Variants in DSCAML1 observed in about 807,000 individuals in gnomAD.
DSCAML1 encodes DS cell adhesion molecule like 1.
A neutral mutation model predicts 200.5 loss-of-function variants in DSCAML1; 38 were observed. The ratio of observed to expected loss-of-function variants is 0.19; its 90% CI spans 0.15 to 0.25. The LOEUF (loss-of-function observed/expected upper bound fraction) is 0.25. Among genes scored for constraint, DSCAML1 ranks in the 10% least tolerant of loss-of-function variants. The pLI, the probability that DSCAML1 is intolerant of heterozygous loss-of-function variation, is 1.00. For synonymous variants in DSCAML1, 1,215 were observed against 1,165.0 expected, an observed-to-expected ratio of 1.04 and a Z score of -0.87; for missense variants, 2,223 against 2,858.8, an observed-to-expected ratio of 0.78 and a Z score of 5.07.
intron 3 of DSCAML1, among the ~76,000 whole-genome samples, chr11:117,691,967 TA>T (rs1462897206): frequency 3.9e-5 from 6 of 152,224 alleles, no homozygotes; most frequent in African/African-American, 1.2e-4. Flanking sequence ...ACTTTTTTTT[TA>T]AGCTGTGAGC....
rs1802209858 is a variant in DSCAML1, at chr11:117,569,935, T to G, written c.512-37413A>C. Among the ~76,000 whole-genome samples, 4 of 152,338 alleles carry G rather than the reference T, an allele frequency of 2.6e-5. No individual in the cohort carries two copies. In the South Asian group the frequency reaches 8.3e-4, roughly 32 times the overall value. On this transcript the variant is annotated intron_variant, in intron 3 of 32. Transcript: ENST00000651296. ...CAGAGCTGTTCCTGACTCTCTGGCA[T>G]GGGATGTGAATGAGAAATAAACTTG...
intron 11 of DSCAML1, among the ~76,000 whole-genome samples, chr11:117,490,072 C>T (rs957618504): frequency 8.5e-5 from 13 of 152,116 alleles, no homozygotes; most frequent in East Asian, 1.9e-4. Flanking sequence ...TCCTTCTGCT[C>T]GTTGAGATGG....
chr11:117,598,016 A>AAT (rs35760031), intron 3 of DSCAML1, among the ~76,000 whole-genome samples: 34,528 of 151,958 alleles, frequency 0.23, 3,997 homozygotes, highest in South Asian at 0.34. Context: ...GTCCTGATAC[A>AAT]ATATATATAT....
intron 20 of DSCAML1, among the ~76,000 whole-genome samples, chr11:117,445,184 C>T (rs2048151803): frequency 1.3e-5 from 2 of 152,202 alleles, no homozygotes; most frequent in Non-Finnish European, 2.9e-5. Context: ...TAACTTATAA[C>T]AGGAGGAGAC....
At chr11:117,782,371 G>A (rs556470856) in intron 1 of DSCAML1, among the ~76,000 whole-genome samples, 37 of 152,338 alleles carry the variant, frequency 2.4e-4, no homozygotes, top group African/African-American at 8.9e-4. Flanking sequence ...GGTGTCAGGA[G>A]CATCCTCTTA....
At chr11:117,773,791 G>T (rs1225880546) in intron 3 of DSCAML1, among the ~76,000 whole-genome samples, 1 of 152,086 alleles carries the variant, frequency 6.6e-6, no homozygotes, top group Non-Finnish European at 1.5e-5. Context: ...GGAGAAGACT[G>T]GCCCCGGATC....
rs962204385 is a variant in DSCAML1 at position 117,437,043 on chromosome 11, T to G, written c.4720+79A>C. On this transcript the variant is annotated intron_variant, in intron 26 of 32. Transcript: ENST00000651296. The surrounding 1 kb of genome is among the most constrained non-coding windows in gnomAD (Gnocchi z 5.3). Reference sequence around the variant, plus strand: ...GTTTTTCTATTAGTCTGTCTCTTTATGTATCTGCCACTCTGCCCACTTCCT... The same window carrying G: ...GTTTTTCTATTAGTCTGTCTCTTTAGGTATCTGCCACTCTGCCCACTTCCT... 6.6e-7 allele frequency: 1 copy of G among 1,518,900 alleles called. No homozygotes were observed. The highest frequency in any genetic ancestry group is 1.8e-4 in the Middle Eastern group (1 of 5,546). The allele number at this position is 1,518,900 out of a possible 1,614,324, so 94.1% of individuals were successfully genotyped here.
intron 8 of DSCAML1, among the ~76,000 whole-genome samples, chr11:117,510,595 T>G (rs1264032342): frequency 6.6e-6 from 1 of 152,144 alleles, no homozygotes; most frequent in Non-Finnish European, 1.5e-5. Context: ...CTCTCTCCTG[T>G]TTGACAGGAG....
intron 3 of DSCAML1, among the ~76,000 whole-genome samples, chr11:117,755,747 C>T (rs138626355): frequency 1.8e-4 from 28 of 152,298 alleles, no homozygotes; most frequent in African/African-American, 6.5e-4. Flanking sequence ...TCCCCACCCA[C>T]AGGAGATCTC....
rs80324639 is a variant in DSCAML1 at position 117,519,073 on chromosome 11, C to A, written c.1214-311G>T. Among the ~76,000 whole-genome samples the A allele has an allele frequency of 3.1e-3, 478 of 152,286 alleles. 3 individuals carry two copies. The highest frequency in any genetic ancestry group is 0.011 in the African/African-American group (458 of 41,552). On this transcript the variant is annotated intron_variant, in intron 6 of 32. Coordinates refer to ENST00000651296, the MANE Select transcript of DSCAML1 (RefSeq NM_020693.4). ...GGGGATAATAGCAATCATGATTATA[C>A]CCACCTCATGGATAGTCTGAGGATA...
At chr11:117,765,686 A>T (rs1250845925) in intron 3 of DSCAML1, among the ~76,000 whole-genome samples, 1 of 152,240 alleles carries the variant, frequency 6.6e-6, no homozygotes, top group African/African-American at 2.4e-5. Context: ...AGAAAAATAC[A>T]TTATATACAT....
At chr11:117,720,715 T>C (rs1190868641) in intron 3 of DSCAML1, among the ~76,000 whole-genome samples, 1 of 152,240 alleles carries the variant, frequency 6.6e-6, no homozygotes, top group African/African-American at 2.4e-5. Context: ...TCCAGTTTCC[T>C]CATCTGTAAA....
chr11:117,545,120 C>G lies in DSCAML1; in HGVS notation c.512-12598G>C, dbSNP rs1205703355. Among the ~76,000 whole-genome samples, 4 of 152,202 alleles carry G rather than the reference C, an allele frequency of 2.6e-5. No individual in the cohort carries two copies. The South Asian group carries it at 8.3e-4, about 32-fold the overall frequency. The stretch of plus-strand genomic sequence containing the variant: ...TGGCGGGCGCCTGTAATCCCAGATA[C>G]TCGGGAGGCCGAGGCAGGAGAATTG... On this transcript the variant is annotated intron_variant, in intron 3 of 32. Transcript: ENST00000651296.
intron 11 of DSCAML1, among the ~76,000 whole-genome samples, chr11:117,496,300 G>C (rs974381037): frequency 7.9e-5 from 12 of 152,290 alleles, no homozygotes; most frequent in Middle Eastern, 3.4e-3. Context: ...CACCAGGCTG[G>C]ACACCCGGGG....
intron 3 of DSCAML1, among the ~76,000 whole-genome samples, chr11:117,773,320 C>T (rs2055071806): frequency 6.6e-6 from 1 of 152,128 alleles, no homozygotes; most frequent in Admixed American, 6.5e-5. Flanking sequence ...TGTTCCAGCT[C>T]CTGCTGGACT....
At chr11:117,742,123 T>C (rs552800172) in intron 3 of DSCAML1, among the ~76,000 whole-genome samples, 42 of 152,294 alleles carry the variant, frequency 2.8e-4, no homozygotes, top group African/African-American at 9.4e-4. Context: ...GGGACTCACC[T>C]ATAGAAACTG....
At chr11:117,599,753 T>C (rs1226138828) in intron 3 of DSCAML1, among the ~76,000 whole-genome samples, 1 of 152,160 alleles carries the variant, frequency 6.6e-6, no homozygotes, top group Non-Finnish European at 1.5e-5. Flanking sequence ...TCCAGCTGGG[T>C]CAGAAAATGG....
At chr11:117,773,613 T>G (rs2055079059) in intron 3 of DSCAML1, among the ~76,000 whole-genome samples, 1 of 149,708 alleles carries the variant, frequency 6.7e-6, no homozygotes, top group Non-Finnish European at 1.5e-5. Flanking sequence ...TGGAAAAAAA[T>G]CCTATTTTTA....
chr11:117,455,961 G>A (rs1366226827), intron 19 of DSCAML1, among the ~76,000 whole-genome samples: 2 of 152,176 alleles, frequency 1.3e-5, no homozygotes, highest in African/African-American at 2.4e-5. Flanking sequence ...AGAGACAGCT[G>A]TCTCTACTGC....
Sources: gnomAD v4.1 joint callset for allele counts (sites outside exome capture counted in the v4.1 genomes callset) on GRCh38, gnomAD v4.1.1 for gene constraint, Gnocchi (gnomAD v3.1) non-coding constraint, MANE v1.5 for transcripts, NCBI Gene and HGNC (gene_info 2026-07-23, HGNC 2026-07-21) for gene names.